The following EYS variants were observed in gnomAD, a reference collection of about 807,000 sequenced individuals.
EYS encodes protein eyes shut homolog.
A neutral mutation model predicts 282.1 loss-of-function variants in EYS; 250 were observed. The observed-to-expected ratio is 0.89, with a 90% confidence interval of 0.80 to 0.98. EYS has a LOEUF of 0.98. Among genes scored for constraint, EYS ranks in the 50% least tolerant of loss-of-function variants. The pLI, the probability that EYS is intolerant of heterozygous loss-of-function variation, is 0.00. For synonymous variants in EYS, 1,355 were observed against 1,282.9 expected, an observed-to-expected ratio of 1.06 and a Z score of -1.20; for missense variants, 4,016 against 3,709.0, an observed-to-expected ratio of 1.08 and a Z score of -2.15.
intron 2 of EYS, among the ~76,000 whole-genome samples, chr6:65,587,211 C>A (rs981423599): frequency 1.3e-5 from 2 of 151,938 alleles, no homozygotes; most frequent in Admixed American, 1.3e-4. Flanking sequence ...TTTTATAATC[C>A]TTTGGCTCAA....
At chr6:64,504,818 C>T (rs1205674684) in intron 26 of EYS, among the ~76,000 whole-genome samples, 2 of 152,168 alleles carry the variant, frequency 1.3e-5, no homozygotes, top group African/African-American at 4.8e-5. Context: ...GTAAGAAACA[C>T]TAGCAGGAGC....
intron 31 of EYS, among the ~76,000 whole-genome samples, chr6:64,143,528 G>A (rs1774411685): frequency 6.6e-6 from 1 of 152,052 alleles, no homozygotes; most frequent in Non-Finnish European, 1.5e-5. Flanking sequence ...AAAATACATG[G>A]CTCAGATTCT....
chr6:64,340,282 A>T (rs1051133161), intron 29 of EYS, among the ~76,000 whole-genome samples: 6 of 151,828 alleles, frequency 4.0e-5, no homozygotes, highest in Admixed American at 6.6e-5. Context: ...TAAGCAAAAA[A>T]ATGAAGCCAG....
chr6:63,755,567 G>A (rs1211127134), intron 41 of EYS, among the ~76,000 whole-genome samples: 3 of 152,180 alleles, frequency 2.0e-5, no homozygotes, highest in African/African-American at 7.2e-5. Context: ...GTAGTGTGAT[G>A]CCTCCAGCTT....
At chr6:65,695,291 C>T (rs1352964623) in intron 1 of EYS, among the ~76,000 whole-genome samples, 1 of 151,706 alleles carries the variant, frequency 6.6e-6, no homozygotes, top group Non-Finnish European at 1.5e-5. Context: ...TATTTATCAC[C>T]CTTGTTTGGC....
intron 26 of EYS, among the ~76,000 whole-genome samples, chr6:64,463,694 G>A (rs1186603983): frequency 6.6e-6 from 1 of 152,096 alleles, no homozygotes; most frequent in Non-Finnish European, 1.5e-5. Flanking sequence ...TGAATGTAAA[G>A]TCAAATAAAT....
intron 13 of EYS, among the ~76,000 whole-genome samples, chr6:65,053,573 T>C (rs1424982319): frequency 6.6e-6 from 1 of 151,784 alleles, no homozygotes; most frequent in Admixed American, 6.6e-5. Flanking sequence ...AAGCCACAAT[T>C]AGCTCAAAAA....
chr6:63,754,179 T>C (rs1157787889), intron 41 of EYS, among the ~76,000 whole-genome samples: 2 of 152,160 alleles, frequency 1.3e-5, no homozygotes, highest in Non-Finnish European at 2.9e-5. Flanking sequence ...GGAGGGACAC[T>C]ATTTTATTTA....
At chr6:65,448,512 T>C (rs916143584) in intron 5 of EYS, among the ~76,000 whole-genome samples, 2 of 152,090 alleles carry the variant, frequency 1.3e-5, no homozygotes, top group African/African-American at 4.8e-5. Flanking sequence ...TGTCCATTAC[T>C]GCTTCATTGA....
At position 64,397,039 on chromosome 6, in the gene EYS, A is replaced by G. The variant is rs530532939; in HGVS notation, c.5928-8199T>C. Among the ~76,000 whole-genome samples, 5 of 152,128 alleles carry G rather than the reference A, an allele frequency of 3.3e-5. No individual in the cohort carries two copies. The South Asian group carries it at 1.0e-3, about 32-fold the overall frequency. ...TACTGCCTAATGCTAACGCCTTATAATTATTGATATTTTGTATAGTAAATT... is the reference window on the plus strand; with the variant it reads ...TACTGCCTAATGCTAACGCCTTATAGTTATTGATATTTTGTATAGTAAATT... On this transcript the variant is annotated intron_variant, in intron 28 of 42. Transcript: ENST00000503581.
In EYS at chr6:64,924,671, C is replaced by A. The variant is rs561740029; in HGVS notation, c.2382-11928G>T. Among the ~76,000 whole-genome samples, 15 of 152,158 alleles carry A rather than the reference C, an allele frequency of 9.9e-5. No individual in the cohort carries two copies. In the East Asian group the frequency reaches 1.9e-3, roughly 20 times the overall value. On this transcript the variant is annotated intron_variant, in intron 15 of 42. Coordinates refer to ENST00000503581, the MANE Select transcript of EYS (RefSeq NM_001142800.2). The stretch of plus-strand genomic sequence containing the variant: ...CTTAGAAATTTCTACTGTCAGATAC[C>A]CTAAATCATCATTCTCAAATTCAAA...
chr6:64,286,224 A>C (rs373775748), intron 30 of EYS, among the ~76,000 whole-genome samples: 4 of 152,186 alleles, frequency 2.6e-5, no homozygotes, highest in African/African-American at 9.7e-5. Context: ...GATGACCAAG[A>C]AGAAACTTAC....
chr6:65,039,066 A>G (rs2150148134), intron 13 of EYS, among the ~76,000 whole-genome samples: 1 of 151,436 alleles, frequency 6.6e-6, no homozygotes, highest in East Asian at 1.9e-4. Context: ...ATTATTGCTT[A>G]TTTTACATGT....
intron 24 of EYS, among the ~76,000 whole-genome samples, chr6:64,596,833 G>T (rs1017287699): frequency 6.7e-6 from 1 of 149,396 alleles, no homozygotes; most frequent in African/African-American, 2.4e-5. Context: ...AAAAGCACAA[G>T]AAACAAAAAA....
intron 11 of EYS, among the ~76,000 whole-genome samples, chr6:65,315,393 T>TA (rs1403995107): frequency 6.6e-6 from 1 of 152,120 alleles, no homozygotes; most frequent in Non-Finnish European, 1.5e-5. Context: ...CTATTCAAGT[T>TA]AAAAAATAAT....
chr6:64,828,440 G>A (rs761816951), intron 19 of EYS, among the ~76,000 whole-genome samples: 16 of 151,890 alleles, frequency 1.1e-4, no homozygotes, highest in Non-Finnish European at 2.4e-4. Context: ...ATATATCTTA[G>A]AAGACTCTAT....
chr6:65,690,005 G>A lies in EYS; in HGVS notation c.-448+17130C>T, dbSNP rs140478156. Reference sequence around the variant, plus strand: ...TTATTACTAAGTTTAGTGAGGGCGCGGGTAGGTTAGTGAGGGATTTAGGGT... The same window carrying A: ...TTATTACTAAGTTTAGTGAGGGCGCAGGTAGGTTAGTGAGGGATTTAGGGT... On this transcript the variant is annotated intron_variant, in intron 1 of 42. Transcript: ENST00000503581. 6.3e-4 allele frequency among the ~76,000 whole-genome samples: 94 copies of A among 150,008 alleles called. 3 individuals are homozygous for A. Among genetic ancestry groups the A allele is most frequent in the African/African-American group, 2.0e-3 (82 of 41,252 alleles).
chr6:64,772,653 G>T (rs1052537145), intron 22 of EYS, among the ~76,000 whole-genome samples: 30 of 151,614 alleles, frequency 2.0e-4, no homozygotes, highest in African/African-American at 6.8e-4. Context: ...TACGTACTCT[G>T]CCTCCTCCAC....
chr6:65,223,553 C>T (rs868149788), intron 12 of EYS, among the ~76,000 whole-genome samples: 6 of 152,232 alleles, frequency 3.9e-5, no homozygotes, highest in Admixed American at 6.5e-5. Flanking sequence ...TGACTGTTTT[C>T]AAAGACATAT....
Sources: allele counts gnomAD v4.1 joint callset (sites outside exome capture counted in the v4.1 genomes callset), GRCh38; gene constraint gnomAD v4.1.1; transcripts MANE v1.5; gene names NCBI Gene and HGNC (gene_info 2026-07-23, HGNC 2026-07-21).